GKAP1: variants seen among roughly 807,000 people sequenced by gnomAD.
The protein encoded by GKAP1 is G kinase-anchoring protein 1.
GKAP1 carries 31 observed loss-of-function variants against 56.7 expected under a neutral mutation model. The ratio of observed to expected loss-of-function variants is 0.55; its 90% CI spans 0.41 to 0.74. The LOEUF is 0.74. Ranked by LOEUF, GKAP1 falls within the 30% of genes least tolerant of loss-of-function variation. GKAP1 has a pLI of 0.00. For synonymous variants in GKAP1, 151 were observed against 138.6 expected (o/e 1.09, Z -0.63); for missense variants, 364 against 402.3 (o/e 0.90, Z 0.82).
intron 4 of GKAP1, chr9:83,792,946 C>G (rs965734638): frequency 9.3e-6 from 11 of 1,177,240 alleles, no homozygotes; most frequent in Non-Finnish European, 1.2e-5. Context: ...CAAGAAGATA[C>G]TTACATGTGT....
chr9:83,761,606 T>C (rs1200913392), intron 8 of GKAP1, among the ~76,000 whole-genome samples: 1 of 147,886 alleles, frequency 6.8e-6, no homozygotes, highest in East Asian at 2.0e-4. Context: ...CAAAGAAACA[T>C]CGAAAAAAGA....
At chr9:83,751,384 T>C (rs1038141376) in intron 9 of GKAP1, among the ~76,000 whole-genome samples, 3 of 152,234 alleles carry the variant, frequency 2.0e-5, no homozygotes, top group Non-Finnish European at 4.4e-5. Context: ...TTCTGTCATA[T>C]CCTACATTGT....
chr9:83,742,667 G>A (rs1943227841), intron 10 of GKAP1, 67 bp from the exon 11 acceptor site: 1 of 965,670 alleles, frequency 1.0e-6, no homozygotes, highest in Non-Finnish European at 1.6e-6. Context: ...AATACTTCAG[G>A]GAACTAAGAC....
intron 7 of GKAP1, among the ~76,000 whole-genome samples, chr9:83,775,874 C>CAAAAAAAAA (rs55669011): frequency 2.3e-5 from 1 of 43,710 alleles, no homozygotes; most frequent in Non-Finnish European, 3.9e-5. Context: ...GACTCTGTCT[C>CAAAAAAAAA]AAAAAAAAAA....
chr9:83,749,840 C>T (rs1251648654), intron 9 of GKAP1, among the ~76,000 whole-genome samples: 2 of 152,036 alleles, frequency 1.3e-5, no homozygotes, highest in Admixed American at 6.5e-5. Flanking sequence ...AAGCACCATA[C>T]TGAATATAAA....
chr9:83,780,332 A>G lies in GKAP1; in HGVS notation c.585+50T>C, dbSNP rs748833746. Reference sequence around the variant, plus strand: ...ACTTACTGCTAAGTATTTAAGTATTATTCTTAAAATCATCAGTGTTTTCTA... The same window carrying G: ...ACTTACTGCTAAGTATTTAAGTATTGTTCTTAAAATCATCAGTGTTTTCTA... On this transcript the variant is annotated intron_variant, in intron 7 of 12. Transcript: ENST00000376371. The G allele has an allele frequency of 6.5e-6, 7 of 1,082,560 alleles. No homozygotes were observed. In the South Asian group the frequency reaches 9.0e-5, roughly 14 times the overall value. 67.1% of individuals were successfully genotyped at this position (1,082,560 alleles called of 1,614,324 possible). A position where few individuals can be genotyped will look rare whatever the true frequency, so the allele number is the denominator to read the frequency against.
At chr9:83,790,641 CA>C (rs966190802) in intron 4 of GKAP1, among the ~76,000 whole-genome samples, 61 of 131,612 alleles carry the variant, frequency 4.6e-4, no homozygotes, top group African/African-American at 1.4e-3. Flanking sequence ...CAAAACAAAA[CA>C]AAAAAACAAA....
At chr9:83,749,724 C>T (rs1013736141) in intron 9 of GKAP1, among the ~76,000 whole-genome samples, 1 of 151,822 alleles carries the variant, frequency 6.6e-6, no homozygotes, top group African/African-American at 2.4e-5. Context: ...GTTTTAAGTC[C>T]AATAAAGATG....
intron 7 of GKAP1, among the ~76,000 whole-genome samples, chr9:83,776,768 G>A (rs1292989637): frequency 6.6e-6 from 1 of 152,086 alleles, no homozygotes; most frequent in Middle Eastern, 3.2e-3. Flanking sequence ...TTTTTTTAGC[G>A]TATTTTTCTT....
chr9:83,765,731 C>T (rs1943651669), intron 8 of GKAP1, among the ~76,000 whole-genome samples: 1 of 152,178 alleles, frequency 6.6e-6, no homozygotes, highest in Admixed American at 6.5e-5. Context: ...TTGCATGGGG[C>T]CTGTAGCCCC....
intron 4 of GKAP1, among the ~76,000 whole-genome samples, chr9:83,793,284 G>C (rs1028669161): frequency 6.6e-6 from 1 of 152,148 alleles, no homozygotes; most frequent in African/African-American, 2.4e-5. Context: ...CCATTCTGAA[G>C]ACATCTAACA....
chr9:83,808,201 A>G (rs1169539164), intron 2 of GKAP1, among the ~76,000 whole-genome samples: 2 of 152,250 alleles, frequency 1.3e-5, no homozygotes, highest in East Asian at 1.9e-4. Flanking sequence ...CGAATGCTTC[A>G]TAAGTTACTA....
intron 4 of GKAP1, among the ~76,000 whole-genome samples, chr9:83,797,232 G>A (rs1303608433): frequency 2.6e-5 from 4 of 152,052 alleles, no homozygotes; most frequent in Admixed American, 1.3e-4. Context: ...TTTCTCTTTC[G>A]TGTTTGACAT....
At position 83,809,015 on chromosome 9, in the gene GKAP1, C is replaced by G. The variant is rs1944474012; in HGVS notation, c.-43-2455G>C. Among the ~76,000 whole-genome samples the G allele has an allele frequency of 3.9e-5, 6 of 152,344 alleles. No individual in the cohort carries two copies. The South Asian group carries it at 1.2e-3, about 32-fold the overall frequency. ...CCTGTGGTGGACATGGTAGCTTGAGCAAGAAAGCAACTTTGCTGCTTTCAG... is the reference window on the plus strand; with the variant it reads ...CCTGTGGTGGACATGGTAGCTTGAGGAAGAAAGCAACTTTGCTGCTTTCAG... On this transcript the variant is annotated intron_variant, in intron 2 of 12. Coordinates refer to ENST00000376371, the MANE Select transcript of GKAP1 (RefSeq NM_025211.4).
intron 4 of GKAP1, among the ~76,000 whole-genome samples, chr9:83,790,631 C>A (rs551002521): frequency 7.5e-6 from 1 of 132,574 alleles, no homozygotes; most frequent in African/African-American, 2.6e-5. Flanking sequence ...AAAAACAAAA[C>A]AAAACAAAAC....
At chr9:83,753,122 T>C in intron 9 of GKAP1, 136 bp downstream of exon 9, 1 of 583,432 alleles carries the variant, frequency 1.7e-6, no homozygotes, top group South Asian at 2.3e-5. Context: ...TTTAAACCAT[T>C]AAAGAGTTTA....
At chr9:83,800,004 A>G (rs1383850567) in intron 3 of GKAP1, among the ~76,000 whole-genome samples, 3 of 152,182 alleles carry the variant, frequency 2.0e-5, no homozygotes, top group Admixed American at 2.0e-4. Context: ...AATACAGTTC[A>G]GAAAGCATAC....
At chr9:83,778,241 T>G (rs190615706) in intron 7 of GKAP1, among the ~76,000 whole-genome samples, 72 of 152,286 alleles carry the variant, frequency 4.7e-4, no homozygotes, top group African/African-American at 1.7e-3. Flanking sequence ...TAAAGACACG[T>G]GCACACATAT....
chr9:83,742,631 T>C (rs780328347), intron 10 of GKAP1, 31 bp from the exon 11 acceptor site: 1 of 1,477,344 alleles, frequency 6.8e-7, no homozygotes, highest in Non-Finnish European at 9.4e-7. Flanking sequence ...GCAGTATAGA[T>C]TTTCCAGTCA....
Sources: allele counts gnomAD v4.1 joint callset (sites outside exome capture counted in the v4.1 genomes callset), GRCh38; gene constraint gnomAD v4.1.1; transcripts MANE v1.5; gene names NCBI Gene and HGNC (gene_info 2026-07-23, HGNC 2026-07-21).